CPED1: variants seen among roughly 807,000 people sequenced by gnomAD.
CPED1 encodes the protein cadherin-like and PC-esterase domain-containing protein 1.
In CPED1, 114 loss-of-function variants were observed where a neutral mutation model predicts 128.2. The ratio of observed to expected loss-of-function variants is 0.89; its 90% CI spans 0.76 to 1.04. The LOEUF (loss-of-function observed/expected upper bound fraction) is 1.04, where lower values mean the gene tolerates loss of function less well. Among genes scored for constraint, CPED1 ranks in the 50% least tolerant of loss-of-function variants. The pLI is 0.00. For synonymous variants in CPED1, 462 were observed against 426.7 expected (o/e 1.08, Z -1.02); for missense variants, 1,211 against 1,207.1 (o/e 1.00, Z -0.05).
intron 5 of CPED1, among the ~76,000 whole-genome samples, chr7:121,067,173 T>A (rs568185000): frequency 1.3e-5 from 2 of 152,240 alleles, no homozygotes; most frequent in East Asian, 3.9e-4. Context: ...TGCAGGTTTG[T>A]TACATATGTA....
At chr7:121,197,603 G>T (rs1161539645) in intron 16 of CPED1, among the ~76,000 whole-genome samples, 1 of 151,992 alleles carries the variant, frequency 6.6e-6, no homozygotes, top group Non-Finnish European at 1.5e-5. Context: ...CAGAATAATT[G>T]CTACAGTCGA....
chr7:121,254,013 G>A (rs926369657), intron 18 of CPED1, among the ~76,000 whole-genome samples: 7 of 151,922 alleles, frequency 4.6e-5, no homozygotes, highest in South Asian at 2.1e-4. Context: ...TTCAAGGCAG[G>A]AAACTAACAA....
At chr7:121,100,133 A>G (rs375548007) in intron 7 of CPED1, 39 bp downstream of exon 7, 35 of 1,593,552 alleles carry the variant, frequency 2.2e-5, no homozygotes, top group African/African-American at 2.7e-5. Flanking sequence ...ACGTAAGTAC[A>G]CTGAAGTAAA....
At chr7:121,246,889 T>C (rs1798552806) in intron 18 of CPED1, among the ~76,000 whole-genome samples, 1 of 152,262 alleles carries the variant, frequency 6.6e-6, no homozygotes, top group Admixed American at 6.5e-5. Flanking sequence ...CTTATCTTTG[T>C]GACTCTCCTA....
At chr7:121,084,513 C>A (rs1181365970) in intron 5 of CPED1, among the ~76,000 whole-genome samples, 1 of 152,070 alleles carries the variant, frequency 6.6e-6, no homozygotes, top group Non-Finnish European at 1.5e-5. Context: ...TAGAGGGAAA[C>A]TAAGATTCCA....
chr7:120,993,009 A>G (rs967831966), intron 2 of CPED1, among the ~76,000 whole-genome samples: 4 of 152,138 alleles, frequency 2.6e-5, no homozygotes, highest in African/African-American at 9.7e-5. Context: ...CCAAACTTTA[A>G]TTCATTTTTC....
At chr7:121,059,802 C>T (rs1330032863) in intron 4 of CPED1, among the ~76,000 whole-genome samples, 2 of 152,242 alleles carry the variant, frequency 1.3e-5, no homozygotes, top group Admixed American at 1.3e-4. Context: ...GAGGTGACAG[C>T]ATGCTGGCAG....
chr7:120,993,819 G>A (rs1796347996), intron 2 of CPED1: 1 of 171,644 alleles, frequency 5.8e-6, no homozygotes, highest in Non-Finnish European at 1.3e-5. Flanking sequence ...CTGGACAAAA[G>A]GAGCAGAAAG....
intron 15 of CPED1, 49 bp from the exon 16 acceptor site, chr7:121,141,924 T>TAAATCTC: frequency 2.7e-6 from 4 of 1,506,672 alleles, no homozygotes; most frequent in Non-Finnish European, 3.7e-6. Context: ...TTGGGCTGAA[T>TAAATCTC]AAATCTCCCC....
chr7:121,130,204 G>C lies in CPED1; in HGVS notation c.1487G>C (p.Gly496Ala). 6.2e-7 allele frequency: 1 copy of C among 1,612,558 alleles called. No individual in the cohort carries two copies. The change falls in exon 12 of 23, where the codon GGC becomes GCC. Residue 496 changes from glycine to alanine, a missense_variant. Coordinates refer to ENST00000310396, the MANE Select transcript of CPED1 (RefSeq NM_024913.5). ...YDVANPVGNP[G>A]SVLTQYWSLL... ...GTGGCAAATCCTGTGGGAAATCCTG[G>C]CTCAGTCCTGACCCAATACTGGTCT...
intron 2 of CPED1, among the ~76,000 whole-genome samples, chr7:120,999,142 A>G (rs919349945): frequency 2.0e-5 from 3 of 152,156 alleles, no homozygotes; most frequent in Non-Finnish European, 4.4e-5. Flanking sequence ...GCAAGATATG[A>G]GAGGAACTCC....
At chr7:121,063,507 C>T (rs1793739703) in intron 4 of CPED1, among the ~76,000 whole-genome samples, 1 of 151,828 alleles carries the variant, frequency 6.6e-6, no homozygotes, top group Non-Finnish European at 1.5e-5. Context: ...GTCATGCCAG[C>T]AGGACATAGT....
chr7:121,199,822 C>T lies in CPED1; in HGVS notation c.2056-36892C>T, dbSNP rs143392848. 3.3e-3 allele frequency among the ~76,000 whole-genome samples: 502 copies of T among 151,814 alleles called. 3 individuals carry two copies. Among genetic ancestry groups the T allele is most frequent in the African/African-American group, 0.011 (476 of 41,418 alleles). ...TACGTAATTTTAAATTTTCCTGTAG[C>T]CACATTTTTTAAAAAAGTAAAGAGG... is the stretch of plus-strand genomic sequence containing the variant. On this transcript the variant is annotated intron_variant, in intron 16 of 22. Coordinates refer to ENST00000310396, the MANE Select transcript of CPED1 (RefSeq NM_024913.5).
chr7:121,181,882 G>A (rs887482694), intron 16 of CPED1, among the ~76,000 whole-genome samples: 1 of 152,086 alleles, frequency 6.6e-6, no homozygotes, highest in Non-Finnish European at 1.5e-5. Flanking sequence ...AATATTAGAT[G>A]CATATTAATT....
At chr7:121,080,758 G>A (rs1794271596) in intron 5 of CPED1, among the ~76,000 whole-genome samples, 1 of 151,946 alleles carries the variant, frequency 6.6e-6, no homozygotes, top group African/African-American at 2.4e-5. Context: ...AAGAGATTGA[G>A]AGGGAGGGAG....
intron 18 of CPED1, chr7:121,261,666 G>T (rs62621839): frequency 2.5e-6 from 4 of 1,610,692 alleles, no homozygotes; most frequent in East Asian, 2.2e-5. Flanking sequence ...CCTAGAAGCC[G>T]TAATTGAAGA....
chr7:121,141,979 C>T lies in CPED1; in HGVS notation c.1893C>T (p.Ala631=). Residue 631 remains alanine (A), a synonymous_variant, in exon 16 of 23, where the codon GCC becomes GCT. Coordinates refer to ENST00000310396, the MANE Select transcript of CPED1 (RefSeq NM_024913.5). ...HLYEQAGPSF[A]SYPLGLGMNK... ...TCTCCCTCTTTCTCTCCAGCTTTGCCAGCTACCCTCTGGGCTTAGGAATGA... is the reference window on the plus strand; with the variant it reads ...TCTCCCTCTTTCTCTCCAGCTTTGCTAGCTACCCTCTGGGCTTAGGAATGA... 1 of 1,611,622 alleles carries T rather than the reference C, an allele frequency of 6.2e-7. No individual in the cohort carries two copies. The highest frequency in any genetic ancestry group is 8.5e-7 in the Non-Finnish European group (1 of 1,178,356).
At chr7:121,220,360 C>T (rs760626266) in intron 16 of CPED1, among the ~76,000 whole-genome samples, 7 of 151,964 alleles carry the variant, frequency 4.6e-5, no homozygotes, top group Non-Finnish European at 1.0e-4. Flanking sequence ...ATCCCCCTAC[C>T]TGGAACATTT....
chr7:121,195,205 C>T (rs2116543230), intron 16 of CPED1: 1 of 152,110 alleles, frequency 6.6e-6, no homozygotes, highest in East Asian at 1.9e-4. Context: ...TTTTAATAGA[C>T]ATGATGATGA....
Sources: gnomAD v4.1 joint callset for allele counts (sites outside exome capture counted in the v4.1 genomes callset) on GRCh38, gnomAD v4.1.1 for gene constraint, MANE v1.5 for transcripts, NCBI Gene and HGNC (gene_info 2026-07-23, HGNC 2026-07-21) for gene names.